Variants in PPFIBP2 observed in about 807,000 individuals in gnomAD.
PPFIBP2 encodes the protein liprin-beta-2.
PPFIBP2 carries 118 observed loss-of-function variants against 118.3 expected under a neutral mutation model. The ratio of observed to expected loss-of-function variants is 1.00; its 90% CI spans 0.86 to 1.16. The LOEUF (loss-of-function observed/expected upper bound fraction) is 1.16. Ranked by LOEUF, PPFIBP2 falls within the 50% of genes most tolerant of loss-of-function variation. The probability of loss-of-function intolerance (pLI) is 0.00; values close to 1 mark genes in which losing one functional copy is unlikely to be tolerated. For missense variants in PPFIBP2, 1,195 were observed against 1,073.1 expected (o/e 1.11, Z -1.59); for synonymous variants, 414 against 397.4 (o/e 1.04, Z -0.50).
At chr11:7,558,229 C>T (rs139924159) in intron 2 of PPFIBP2, among the ~76,000 whole-genome samples, 1 of 152,288 alleles carries the variant, frequency 6.6e-6, no homozygotes, top group Non-Finnish European at 1.5e-5. Context: ...TCCACTATTG[C>T]CAGAAGTCAG....
intron 10 of PPFIBP2, among the ~76,000 whole-genome samples, chr11:7,630,168 C>T (rs918491511): frequency 3.3e-5 from 5 of 152,228 alleles, no homozygotes; most frequent in Non-Finnish European, 5.9e-5. Flanking sequence ...AGCTGTTTCA[C>T]AGCACAGGGC....
chr11:7,588,357 G>A (rs1344149059), intron 3 of PPFIBP2, among the ~76,000 whole-genome samples: 1 of 152,152 alleles, frequency 6.6e-6, no homozygotes, highest in East Asian at 1.9e-4. Flanking sequence ...TCCCTGCTGA[G>A]GCTGATTGAC....
At chr11:7,541,619 C>A (rs764430822) in intron 1 of PPFIBP2, among the ~76,000 whole-genome samples, 1 of 152,082 alleles carries the variant, frequency 6.6e-6, no homozygotes, top group Non-Finnish European at 1.5e-5. Flanking sequence ...GTTTTTATAC[C>A]ACTTCTTAAG....
chr11:7,650,622 A>G (rs1853841142), intron 21 of PPFIBP2: 1 of 358,426 alleles, frequency 2.8e-6, no homozygotes, highest in African/African-American at 2.0e-5. Flanking sequence ...GGATTCAGAT[A>G]TCTCAGTGTG....
At chr11:7,645,855 A>T (rs967953132) in intron 17 of PPFIBP2, among the ~76,000 whole-genome samples, 12 of 152,238 alleles carry the variant, frequency 7.9e-5, no homozygotes, top group Non-Finnish European at 1.5e-4. Flanking sequence ...TAAAAAATTT[A>T]AAAAAGAACT....
rs553864713 is a variant in PPFIBP2, at chr11:7,647,922, C to T, written c.1647-465C>T. On this transcript the variant is annotated intron_variant, in intron 17 of 23. Transcript: ENST00000299492. ...TAATGTGCTAGCTGTTGTTGATTGG[C>T]AAGTTTTTGCTTTTAGTTTTGGGTG... Among the ~76,000 whole-genome samples, 280 of 152,250 alleles carry T rather than the reference C, an allele frequency of 1.8e-3. 3 individuals are homozygous for T. Among genetic ancestry groups the T allele is most frequent in the Non-Finnish European group, 3.4e-3 (230 of 68,014 alleles).
chr11:7,563,387 G>A (rs1011684916), intron 2 of PPFIBP2, among the ~76,000 whole-genome samples: 1 of 152,172 alleles, frequency 6.6e-6, no homozygotes, highest in Non-Finnish European at 1.5e-5. Context: ...AAAGTGCTGA[G>A]CACACATCAC....
At chr11:7,596,254 C>T (rs972076294) in intron 4 of PPFIBP2, among the ~76,000 whole-genome samples, 1 of 152,154 alleles carries the variant, frequency 6.6e-6, no homozygotes, top group African/African-American at 2.4e-5. Context: ...CAAAGCCCAC[C>T]CCCAGAGTCC....
In PPFIBP2 at chr11:7,616,983, A is replaced by G. The variant is rs1848730522; in HGVS notation, c.619-3952A>G. The G allele has an allele frequency of 3.2e-6, 1 of 316,096 alleles. No individual in the cohort carries two copies. The highest frequency in any genetic ancestry group is 2.3e-5 in the African/African-American group (1 of 44,382). 19.6% of individuals were successfully genotyped at this position (316,096 alleles called of 1,614,324 possible). On this transcript the variant is annotated intron_variant, in intron 6 of 23. Coordinates refer to ENST00000299492, the MANE Select transcript of PPFIBP2 (RefSeq NM_003621.5). The surrounding 1 kb of genome is among the most constrained non-coding windows in gnomAD (Gnocchi z 5.2). ...TTGTGGAAAGTGGAGGGCCGTCGAC[A>G]GTGACCACTGAGTGCCACCTGCTCC...
At chr11:7,654,141 T>A (rs1014084514), downstream of PPFIBP2, among the ~76,000 whole-genome samples, 3 of 152,242 alleles carry the variant, frequency 2.0e-5, no homozygotes, top group African/African-American at 7.2e-5. Context: ...CTCTTTCATG[T>A]GTTTTGCTGG....
Position 7,642,287 on chromosome 11 carries a change from T to C in PPFIBP2, c.1518-11T>C, listed in dbSNP as rs370408738. 1.9e-6 allele frequency: 3 copies of C among 1,613,732 alleles called. No individual in the cohort carries two copies. The East Asian group carries it at 6.7e-5, about 36-fold the overall frequency. ...TTCCATGACCGTCTCCATGGATTCTTCTCCATGCAGAATCCGAAGAACTCA... is the reference window on the plus strand; with the variant it reads ...TTCCATGACCGTCTCCATGGATTCTCCTCCATGCAGAATCCGAAGAACTCA... On this transcript the variant is annotated splice_polypyrimidine_tract_variant and intron_variant, in intron 16 of 23. Transcript: ENST00000299492.
intron 1 of PPFIBP2, among the ~76,000 whole-genome samples, chr11:7,543,135 G>T (rs1290303307): frequency 1.3e-5 from 2 of 152,174 alleles, no homozygotes; most frequent in Non-Finnish European, 2.9e-5. Flanking sequence ...ATCTGTCTTT[G>T]TCCTTTTTAT....
chr11:7,652,798 A>C (rs373622845), intron 23 of PPFIBP2, among the ~76,000 whole-genome samples: 1 of 152,210 alleles, frequency 6.6e-6, no homozygotes, highest in African/African-American at 2.4e-5. Context: ...AGTTTCAGGC[A>C]TAGTATTGGA....
At chr11:7,575,903 G>A (rs1208396592) in intron 3 of PPFIBP2, among the ~76,000 whole-genome samples, 5 of 152,248 alleles carry the variant, frequency 3.3e-5, no homozygotes, top group East Asian at 1.9e-4. Flanking sequence ...GGGCAGCAAA[G>A]CCTGCTTTTC....
intron 15 of PPFIBP2, chr11:7,641,159 C>CT: frequency 9.3e-7 from 1 of 1,071,200 alleles, no homozygotes; most frequent in South Asian, 1.3e-5. Flanking sequence ...CAGGGACCCA[C>CT]TACTGCCTGC....
At chr11:7,638,975 T>G (rs562932238) in intron 14 of PPFIBP2, among the ~76,000 whole-genome samples, 1 of 152,342 alleles carries the variant, frequency 6.6e-6, no homozygotes, top group East Asian at 1.9e-4. Context: ...CCATTTCTTG[T>G]TGTCAGCTCC....
At chr11:7,661,052 G>A (rs1404615587), downstream of PPFIBP2, among the ~76,000 whole-genome samples, 1 of 151,746 alleles carries the variant, frequency 6.6e-6, no homozygotes, top group Non-Finnish European at 1.5e-5. Context: ...TTCTTTATTA[G>A]TTTTGCTAGC....
At chr11:7,623,537 G>T (rs371459679) in intron 7 of PPFIBP2, among the ~76,000 whole-genome samples, 5 of 152,342 alleles carry the variant, frequency 3.3e-5, no homozygotes, top group African/African-American at 1.2e-4. Flanking sequence ...GCACAAGGCA[G>T]GTTGGGCCCA....
At chr11:7,519,599 C>G (rs992445495) in intron 1 of PPFIBP2, among the ~76,000 whole-genome samples, 17 of 152,162 alleles carry the variant, frequency 1.1e-4, no homozygotes, top group African/African-American at 4.1e-4. Flanking sequence ...TATGAGGCAG[C>G]CTAGAGGGCT....
Sources: allele counts gnomAD v4.1 joint callset (sites outside exome capture counted in the v4.1 genomes callset), GRCh38; gene constraint gnomAD v4.1.1; non-coding constraint Gnocchi (gnomAD v3.1); transcripts MANE v1.5; gene names NCBI Gene and HGNC (gene_info 2026-07-23, HGNC 2026-07-21).